The following ELMO2 variants were observed in gnomAD, a reference collection of about 807,000 sequenced individuals.
ELMO2 encodes the protein engulfment and cell motility protein 2.
Under a neutral mutation model 96.2 loss-of-function variants are expected in ELMO2, and 37 were observed. That is an observed-to-expected ratio of 0.38 (90% confidence interval 0.30 to 0.51). The LOEUF (loss-of-function observed/expected upper bound fraction) is 0.51, where lower values mean the gene tolerates loss of function less well. Ranked by LOEUF, ELMO2 falls within the 20% of genes least tolerant of loss-of-function variation. The probability of loss-of-function intolerance (pLI) is 0.88; values close to 1 mark genes in which losing one functional copy is unlikely to be tolerated. For synonymous variants in ELMO2, 315 were observed against 329.4 expected, an observed-to-expected ratio of 0.96 and a Z score of 0.47; for missense variants, 561 against 912.6, an observed-to-expected ratio of 0.61 and a Z score of 4.96.
chr20:46,369,971 T>G (rs986002927), intron 20 of ELMO2: 2 of 227,610 alleles, frequency 8.8e-6, no homozygotes, highest in South Asian at 4.0e-5. Flanking sequence ...GGTGTGTGTG[T>G]GTGTGTGTGT....
intron 2 of ELMO2, among the ~76,000 whole-genome samples, chr20:46,397,684 C>T (rs1319722144): frequency 1.3e-5 from 2 of 151,996 alleles, no homozygotes; most frequent in South Asian, 2.1e-4. Context: ...TAAATACACA[C>T]ATACATACAT....
At chr20:46,384,780 G>C (rs151308508) in intron 9 of ELMO2, among the ~76,000 whole-genome samples, 64 of 150,826 alleles carry the variant, frequency 4.2e-4, no homozygotes, top group South Asian at 1.5e-3. Context: ...ACAACACAGC[G>C]AGACCCTGTC....
At chr20:46,369,284 T>A (rs1309628052) in intron 20 of ELMO2, 1 of 238,322 alleles carries the variant, frequency 4.2e-6, no homozygotes, top group African/African-American at 2.2e-5. Context: ...AGTTTTTATA[T>A]TACCAAGATG....
chr20:46,387,483 C>T (rs372703601), intron 7 of ELMO2, 46 bp from the exon 8 acceptor site: 58 of 1,529,480 alleles, frequency 3.8e-5, no homozygotes, highest in Non-Finnish European at 4.6e-5. Context: ...AGATTCAGAT[C>T]GGGAAACACA....
intron 2 of ELMO2, among the ~76,000 whole-genome samples, chr20:46,395,531 G>A (rs2060228498): frequency 6.6e-6 from 1 of 152,144 alleles, no homozygotes; most frequent in Non-Finnish European, 1.5e-5. Context: ...TCGCTAATGG[G>A]GACCACCTGC....
intron 2 of ELMO2, among the ~76,000 whole-genome samples, chr20:46,396,563 C>A (rs1273307909): frequency 6.6e-6 from 1 of 152,212 alleles, no homozygotes; most frequent in Non-Finnish European, 1.5e-5. Flanking sequence ...AGGGGAATTT[C>A]TGACTTATCA....
At chr20:46,392,169 A>G (rs557998745) in intron 6 of ELMO2, among the ~76,000 whole-genome samples, 1 of 152,200 alleles carries the variant, frequency 6.6e-6, no homozygotes. Flanking sequence ...TACTCTCCTC[A>G]GTCCTGACAC....
chr20:46,376,328 C>T (rs139592789), intron 11 of ELMO2, among the ~76,000 whole-genome samples: 4 of 152,228 alleles, frequency 2.6e-5, no homozygotes, highest in East Asian at 3.9e-4. Flanking sequence ...CTCCCTCCCA[C>T]GGCCCTCTCC....
At chr20:46,405,532 A>G (rs1272383421) in intron 1 of ELMO2, among the ~76,000 whole-genome samples, 3 of 152,060 alleles carry the variant, frequency 2.0e-5, no homozygotes, top group African/African-American at 7.3e-5. Flanking sequence ...GAGGTTCTGG[A>G]TCTGACCCTA....
intron 11 of ELMO2, chr20:46,380,033 C>T: frequency 2.2e-6 from 1 of 459,808 alleles, no homozygotes; most frequent in South Asian, 3.3e-5. Context: ...TGGTCCCTCC[C>T]TGGACGCACT....
In ELMO2 at chr20:46,380,237, T is replaced by A; in HGVS notation, c.807+16A>T. 6.2e-7 allele frequency: 1 copy of A among 1,603,632 alleles called. No homozygotes were observed. Among genetic ancestry groups the A allele is most frequent in the African/African-American group, 1.3e-5 (1 of 74,808 alleles). On this transcript the variant is annotated intron_variant, in intron 11 of 21. Coordinates refer to ENST00000290246, the MANE Select transcript of ELMO2 (RefSeq NM_133171.5). Reference sequence around the variant, plus strand: ...TTGTTAATAGTAATAAAATACAGCATGTTCCAGGAACTCACATTCAGGATT... The same window carrying A: ...TTGTTAATAGTAATAAAATACAGCAAGTTCCAGGAACTCACATTCAGGATT...
In ELMO2 at chr20:46,399,566, C is replaced by G. The variant is rs1358103171; in HGVS notation, c.-125-795G>C. The stretch of plus-strand genomic sequence containing the variant: ...CTCTGTGTTCTCACAGCATCCTGTT[C>G]ATACTTCCGTTAATGAGTACGATTT... On this transcript the variant is annotated intron_variant, in intron 1 of 21. Coordinates refer to ENST00000290246, the MANE Select transcript of ELMO2 (RefSeq NM_133171.5). 3.3e-5 allele frequency among the ~76,000 whole-genome samples: 5 copies of G among 152,338 alleles called. No homozygotes were observed. The East Asian group carries it at 7.7e-4, about 23-fold the overall frequency.
chr20:46,403,223 CG>C (rs2060365257), intron 1 of ELMO2, among the ~76,000 whole-genome samples: 1 of 152,112 alleles, frequency 6.6e-6, no homozygotes, highest in Non-Finnish European at 1.5e-5. Flanking sequence ...GAAGGCAGTC[CG>C]GGAGGAAAGT....
chr20:46,369,062 C>A, intron 20 of ELMO2, 94 bp from the exon 21 acceptor site: 6 of 1,140,506 alleles, frequency 5.3e-6, no homozygotes, highest in Non-Finnish European at 7.9e-6. Context: ...GGCATCATCA[C>A]CAAACATGCT....
intron 1 of ELMO2, among the ~76,000 whole-genome samples, chr20:46,399,066 A>G (rs1183889702): frequency 6.6e-6 from 1 of 152,236 alleles, no homozygotes; most frequent in Non-Finnish European, 1.5e-5. Flanking sequence ...GGAGTTAAGT[A>G]GAAGGCTCAG....
chr20:46,368,980 A>C lies in ELMO2; in HGVS notation c.1885-12T>G. The C allele has an allele frequency of 6.2e-7, 1 of 1,614,018 alleles. No homozygotes were observed. The highest frequency in any genetic ancestry group is 8.5e-7 in the Non-Finnish European group (1 of 1,179,878). ...AATTCCAACACCTCCTGAAGGAGAA[A>C]GGGTTTAAATTAGAGCGATGGAACA... On this transcript the variant is annotated splice_polypyrimidine_tract_variant and intron_variant, in intron 20 of 21. Coordinates refer to ENST00000290246, the MANE Select transcript of ELMO2 (RefSeq NM_133171.5).
chr20:46,392,544 T>C (rs6062986), intron 6 of ELMO2, among the ~76,000 whole-genome samples: 5,324 of 152,324 alleles, frequency 0.035, 281 homozygotes, highest in Admixed American at 0.14. Flanking sequence ...TGCTTAAAAT[T>C]CTTCAATGTC....
At position 46,389,116 on chromosome 20, in the gene ELMO2, G is replaced by A. The variant is rs142737262; in HGVS notation, c.348C>T (p.Phe116=). The change falls in exon 7 of 22, where the codon TTC becomes TTT. Residue 116 remains phenylalanine, a synonymous_variant. Coordinates refer to ENST00000290246, the MANE Select transcript of ELMO2 (RefSeq NM_133171.5). ...ELAKLSADVT[F]ATEFINMDGI... ...CATCCATGTTGATGAACTCAGTAGC[G>A]AAAGTCACGTCGGCAGAGAGCTTGG... 2.0e-5 allele frequency: 32 copies of A among 1,614,140 alleles called. No homozygotes were observed. The Middle Eastern group carries it at 6.6e-4, about 33-fold the overall frequency.
At chr20:46,377,095 C>T (rs1600837540) in intron 11 of ELMO2, 7 of 254,372 alleles carry the variant, frequency 2.8e-5, no homozygotes, top group South Asian at 2.1e-4. Context: ...GATCAGCTCT[C>T]CCTAGAGTTT....
Sources: allele counts gnomAD v4.1 joint callset (sites outside exome capture counted in the v4.1 genomes callset), GRCh38; gene constraint gnomAD v4.1.1; transcripts MANE v1.5; gene names NCBI Gene and HGNC (gene_info 2026-07-23, HGNC 2026-07-21).